FKBP5: variants seen among roughly 807,000 people sequenced by gnomAD.
FKBP5 encodes the protein peptidyl-prolyl cis-trans isomerase FKBP5.
Under a neutral mutation model 50.5 loss-of-function variants are expected in FKBP5, and 23 were observed. The observed-to-expected ratio is 0.46, with a 90% CI of 0.33 to 0.65. The LOEUF (loss-of-function observed/expected upper bound fraction) is 0.65, where lower values mean the gene tolerates loss of function less well. Among genes scored for constraint, FKBP5 ranks in the 30% least tolerant of loss-of-function variants. The pLI is 0.02. For synonymous variants in FKBP5, 176 were observed against 190.6 expected, an observed-to-expected ratio of 0.92 and a Z score of 0.63; for missense variants, 411 against 553.1, an observed-to-expected ratio of 0.74 and a Z score of 2.58.
chr6:35,704,399 G>C (rs1581896175), intron 2 of FKBP5, among the ~76,000 whole-genome samples: 1 of 152,114 alleles, frequency 6.6e-6, no homozygotes, highest in East Asian at 1.9e-4. Flanking sequence ...GCCTTCATTT[G>C]GTTGTACCAT....
chr6:35,588,670 G>A (rs1158635515), intron 7 of FKBP5, among the ~76,000 whole-genome samples: 3 of 151,728 alleles, frequency 2.0e-5, no homozygotes, highest in East Asian at 1.9e-4. Flanking sequence ...GCACGATCGC[G>A]GCTCACTGTA....
chr6:35,657,172 G>A (rs1173201110), intron 1 of FKBP5, among the ~76,000 whole-genome samples: 6 of 152,098 alleles, frequency 3.9e-5, no homozygotes, highest in East Asian at 1.9e-4. Flanking sequence ...CTGAGATCGC[G>A]CCACTGCACT....
chr6:35,597,099 A>T, intron 6 of FKBP5, 149 bp downstream of exon 6: 1 of 809,998 alleles, frequency 1.2e-6, no homozygotes, highest in Non-Finnish European at 2.0e-6. Flanking sequence ...AAGGCCCATT[A>T]ATTTACGTGA....
chr6:35,716,515 G>A (rs528863938), intron 2 of FKBP5, among the ~76,000 whole-genome samples: 32 of 152,174 alleles, frequency 2.1e-4, no homozygotes, highest in African/African-American at 7.5e-4. Flanking sequence ...CCTATGTGAT[G>A]TTCCCCAGTC....
At chr6:35,702,130 G>A (rs1458534130) in intron 2 of FKBP5, among the ~76,000 whole-genome samples, 2 of 152,082 alleles carry the variant, frequency 1.3e-5, no homozygotes, top group African/African-American at 4.8e-5. Context: ...TTACAGGCGT[G>A]AGCCACCATG....
intron 2 of FKBP5, among the ~76,000 whole-genome samples, chr6:35,713,618 G>A (rs958528008): frequency 6.6e-6 from 1 of 152,178 alleles, no homozygotes; most frequent in Non-Finnish European, 1.5e-5. Flanking sequence ...GCTAGCTGGC[G>A]GGTGGGGGCC....
chr6:35,674,519 C>T (rs960710975), intron 1 of FKBP5, among the ~76,000 whole-genome samples: 2 of 152,226 alleles, frequency 1.3e-5, no homozygotes, highest in Non-Finnish European at 2.9e-5. Context: ...GGCTTCATCA[C>T]TTCAAACAAA....
At chr6:35,709,073 T>C (rs932646331) in intron 2 of FKBP5, among the ~76,000 whole-genome samples, 4 of 152,208 alleles carry the variant, frequency 2.6e-5, no homozygotes, top group African/African-American at 9.6e-5. Flanking sequence ...AAGACATACC[T>C]GAGACTGGGC....
At chr6:35,694,273 G>A (rs533698085) in intron 2 of FKBP5, among the ~76,000 whole-genome samples, 5 of 152,204 alleles carry the variant, frequency 3.3e-5, no homozygotes, top group African/African-American at 1.2e-4. Flanking sequence ...AGCCCCCCAA[G>A]TAACTGGGAC....
intron 1 of FKBP5, among the ~76,000 whole-genome samples, chr6:35,682,197 T>C (rs1163542409): frequency 6.6e-6 from 1 of 152,210 alleles, no homozygotes; most frequent in East Asian, 1.9e-4. Context: ...TGTGTTCAGA[T>C]TACAAGACTG....
intron 1 of FKBP5, among the ~76,000 whole-genome samples, chr6:35,683,238 G>C (rs765328582): frequency 6.7e-6 from 1 of 149,008 alleles, no homozygotes; most frequent in Non-Finnish European, 1.5e-5. Context: ...CTGCAGCACT[G>C]AACTCCTGGG....
chr6:35,667,725 AC>A (rs1377702117), intron 1 of FKBP5, among the ~76,000 whole-genome samples: 3 of 152,344 alleles, frequency 2.0e-5, no homozygotes, highest in South Asian at 4.1e-4. Context: ...TATTAAAAAT[AC>A]AAAAATCAGC....
chr6:35,707,215 CT>C (rs34841223), intron 2 of FKBP5, among the ~76,000 whole-genome samples: 16,680 of 116,492 alleles, frequency 0.14, 1,066 homozygotes, highest in Non-Finnish European at 0.19. Context: ...TATGAGAAGA[CT>C]TTTTTTTTTT....
At chr6:35,682,917 A>G (rs1004980687) in intron 1 of FKBP5, among the ~76,000 whole-genome samples, 11 of 150,890 alleles carry the variant, frequency 7.3e-5, no homozygotes, top group Middle Eastern at 3.4e-3. Flanking sequence ...AAAAAAAAAA[A>G]AAAGAAAAAA....
chr6:35,713,296 C>CT, intron 2 of FKBP5, among the ~76,000 whole-genome samples: 1 of 152,026 alleles, frequency 6.6e-6, no homozygotes, highest in East Asian at 1.9e-4. Flanking sequence ...CAGCCAAGGC[C>CT]AAATCCTGTG....
At chr6:35,611,940 C>A (rs1344076467) in intron 5 of FKBP5, among the ~76,000 whole-genome samples, 2 of 152,072 alleles carry the variant, frequency 1.3e-5, no homozygotes, top group Non-Finnish European at 2.9e-5. Flanking sequence ...TAATGTTATT[C>A]TTTCCCCGGA....
intron 3 of FKBP5, 94 bp from the exon 4 acceptor site, chr6:35,620,368 A>T: frequency 7.7e-7 from 1 of 1,297,266 alleles, no homozygotes. Context: ...AGTTTTTCAT[A>T]CTACATACTC....
At chr6:35,715,154 C>G (rs997339173) in intron 2 of FKBP5, among the ~76,000 whole-genome samples, 13 of 152,208 alleles carry the variant, frequency 8.5e-5, no homozygotes, top group Admixed American at 7.9e-4. Context: ...CCCGCCTTGG[C>G]CTCCCAAAGT....
At chr6:35,712,345 A>C (rs1490211495) in intron 2 of FKBP5, among the ~76,000 whole-genome samples, 2 of 151,926 alleles carry the variant, frequency 1.3e-5, no homozygotes, top group Non-Finnish European at 2.9e-5. Context: ...GTTTGTTTCC[A>C]TTTTACAGGG....
Sources: allele counts gnomAD v4.1 joint callset (sites outside exome capture counted in the v4.1 genomes callset), GRCh38; gene constraint gnomAD v4.1.1; transcripts MANE v1.5; gene names NCBI Gene and HGNC (gene_info 2026-07-23, HGNC 2026-07-21).